The following MMP26 variants were observed in gnomAD, a reference collection of about 807,000 sequenced individuals.
MMP26 encodes matrix metalloproteinase-26.
In MMP26, 33 loss-of-function variants were observed where a neutral mutation model predicts 31.0. The ratio of observed to expected loss-of-function variants is 1.06; its 90% CI spans 0.81 to 1.42. The LOEUF (loss-of-function observed/expected upper bound fraction) is 1.42, where lower values mean the gene tolerates loss of function less well. Ranked by LOEUF, MMP26 falls within the 40% of genes most tolerant of loss-of-function variation. The probability of loss-of-function intolerance (pLI) is 0.00; values close to 1 mark genes in which losing one functional copy is unlikely to be tolerated. For synonymous variants in MMP26, 122 were observed against 114.9 expected, an observed-to-expected ratio of 1.06 and a Z score of -0.40; for missense variants, 347 against 316.1, an observed-to-expected ratio of 1.10 and a Z score of -0.74.
intron 2 of MMP26, chr11:4,822,519 T>A: frequency 1.3e-6 from 1 of 743,080 alleles, no homozygotes. Flanking sequence ...AGTCAATTTC[T>A]TTGTCAATAA....
chr11:4,977,854 T>C (rs569556332), intron 2 of MMP26, among the ~76,000 whole-genome samples: 1 of 152,046 alleles, frequency 6.6e-6, no homozygotes, highest in African/African-American at 2.4e-5. Flanking sequence ...TTGGCCACCA[T>C]AAACTTCTCA....
At position 4,988,562 on chromosome 11, in the gene MMP26, G is replaced by T. The variant is rs555732918; in HGVS notation, c.99+252G>T. Among the ~76,000 whole-genome samples the T allele has an allele frequency of 3.3e-5, 5 of 152,168 alleles. No homozygotes were observed. The East Asian group carries it at 9.7e-4, about 29-fold the overall frequency. Reference sequence around the variant, plus strand: ...CTTCTGTGCCTAATTCAGCCCCATTGCTCATCTCTCACTTTCTTAGTCTTC... The same window carrying T: ...CTTCTGTGCCTAATTCAGCCCCATTTCTCATCTCTCACTTTCTTAGTCTTC... On this transcript the variant is annotated intron_variant, in intron 3 of 7. Coordinates refer to ENST00000380390, the MANE Select transcript of MMP26 (RefSeq NM_021801.5).
chr11:4,957,268 T>C (rs1047983784), intron 2 of MMP26, among the ~76,000 whole-genome samples: 1 of 152,176 alleles, frequency 6.6e-6, no homozygotes, highest in Non-Finnish European at 1.5e-5. Context: ...TTGAAGAAAA[T>C]GTGTTTACAT....
intron 1 of MMP26, among the ~76,000 whole-genome samples, chr11:4,733,561 A>G (rs1848200954): frequency 1.3e-5 from 2 of 152,112 alleles, no homozygotes; most frequent in South Asian, 4.1e-4. Context: ...TAGTTTTAAT[A>G]TTTAGTAGAT....
At chr11:4,706,056 G>A (rs764141095) in intron 1 of MMP26, among the ~76,000 whole-genome samples, 55 of 152,006 alleles carry the variant, frequency 3.6e-4, no homozygotes, top group Non-Finnish European at 6.5e-4. Context: ...ATCCTATTAC[G>A]TTTCCCTTTG....
At chr11:4,890,713 A>G (rs1246888050) in intron 2 of MMP26, 1 of 152,136 alleles carries the variant, frequency 6.6e-6, no homozygotes, top group Non-Finnish European at 1.5e-5. Flanking sequence ...GGAATTGTGA[A>G]AGACTTATTT....
chr11:4,818,198 C>T (rs1849446936), intron 2 of MMP26, among the ~76,000 whole-genome samples: 1 of 147,882 alleles, frequency 6.8e-6, no homozygotes, highest in East Asian at 1.9e-4. Flanking sequence ...AGGAAATAGT[C>T]TCTTTTCTTT....
intron 2 of MMP26, among the ~76,000 whole-genome samples, chr11:4,894,950 C>A (rs372408069): frequency 1.2e-4 from 18 of 152,048 alleles, no homozygotes; most frequent in East Asian, 5.8e-4. Context: ...AATTTATGAA[C>A]AGGAAATAGT....
intron 2 of MMP26, among the ~76,000 whole-genome samples, chr11:4,978,967 C>A (rs1254957164): frequency 6.6e-6 from 1 of 152,072 alleles, no homozygotes; most frequent in African/African-American, 2.4e-5. Flanking sequence ...AAGCATGATA[C>A]ATTGAGCTTG....
rs555590278 is a variant in MMP26 at position 4,775,525 on chromosome 11, A to G, written c.-145+8184A>G. 2.0e-5 allele frequency among the ~76,000 whole-genome samples: 3 copies of G among 152,206 alleles called. No individual in the cohort carries two copies. In the South Asian group the frequency reaches 6.2e-4, roughly 32 times the overall value. On this transcript the variant is annotated intron_variant, in intron 2 of 7. Transcript: ENST00000380390. ...GTAACTGCAACCCAGCTGATGATCTATGTTTTAGCCTGTTTTGTGTTCCTG... is the reference window on the plus strand; with the variant it reads ...GTAACTGCAACCCAGCTGATGATCTGTGTTTTAGCCTGTTTTGTGTTCCTG...
At chr11:4,878,515 C>G (rs1285873102) in intron 2 of MMP26, among the ~76,000 whole-genome samples, 1 of 152,024 alleles carries the variant, frequency 6.6e-6, no homozygotes, top group East Asian at 1.9e-4. Flanking sequence ...AGCTTTAGAT[C>G]TCAACCTCAG....
chr11:4,821,491 G>T (rs895182978), intron 2 of MMP26: 14 of 1,612,726 alleles, frequency 8.7e-6, no homozygotes, highest in Non-Finnish European at 1.2e-5. Context: ...AGGCCTGAAA[G>T]CCACCCAGTA....
chr11:4,841,010 C>T (rs898285039), intron 2 of MMP26, among the ~76,000 whole-genome samples: 13 of 151,960 alleles, frequency 8.6e-5, no homozygotes, highest in Non-Finnish European at 1.3e-4. Context: ...CTGAAAAATG[C>T]GATTGGCATA....
At chr11:4,827,769 T>A (rs1437780093) in intron 2 of MMP26, among the ~76,000 whole-genome samples, 1 of 151,848 alleles carries the variant, frequency 6.6e-6, no homozygotes, top group Non-Finnish European at 1.5e-5. Flanking sequence ...TTTTATTTCA[T>A]CTTTTTCCTA....
At chr11:4,964,147 G>A (rs900474772) in intron 2 of MMP26, among the ~76,000 whole-genome samples, 2 of 151,988 alleles carry the variant, frequency 1.3e-5, no homozygotes, top group Admixed American at 6.6e-5. Context: ...TGGTTTTGTT[G>A]CAATTGCTTT....
chr11:4,746,830 GTCACAC>G (rs1461949482), intron 1 of MMP26, among the ~76,000 whole-genome samples: 1 of 99,466 alleles, frequency 1.0e-5, no homozygotes, highest in Non-Finnish European at 2.0e-5. Context: ...GTAAGTCTCT[GTCACAC>G]ACACACACAC....
intron 1 of MMP26, among the ~76,000 whole-genome samples, chr11:4,759,599 T>G (rs1342466331): frequency 6.6e-6 from 1 of 152,228 alleles, no homozygotes; most frequent in Non-Finnish European, 1.5e-5. Context: ...ATATTACATA[T>G]GAGACCGTGC....
chr11:4,722,649 C>G (rs1027161200), intron 1 of MMP26: 10 of 657,278 alleles, frequency 1.5e-5, no homozygotes, highest in Non-Finnish European at 2.7e-5. Context: ...GTCCCCTGTT[C>G]CCTGTGCTAC....
intron 2 of MMP26, among the ~76,000 whole-genome samples, chr11:4,893,160 T>C (rs1445344167): frequency 6.6e-6 from 1 of 152,154 alleles, no homozygotes; most frequent in African/African-American, 2.4e-5. Flanking sequence ...ATATACATAC[T>C]ACATATTATT....
Sources: allele counts gnomAD v4.1 joint callset (sites outside exome capture counted in the v4.1 genomes callset), GRCh38; gene constraint gnomAD v4.1.1; transcripts MANE v1.5; gene names NCBI Gene and HGNC (gene_info 2026-07-23, HGNC 2026-07-21).